Variants in PREX1 observed in about 807,000 individuals in gnomAD.
The protein encoded by PREX1 is phosphatidylinositol-3,4,5-trisphosphate dependent Rac exchange factor 1, also known as phosphatidylinositol 3,4,5-trisphosphate-dependent Rac exchanger 1 protein.
PREX1 carries 41 observed loss-of-function variants against 198.3 expected under a neutral mutation model. The ratio of observed to expected loss-of-function variants is 0.21; its 90% CI spans 0.16 to 0.27. The LOEUF (loss-of-function observed/expected upper bound fraction) is 0.27, where lower values mean the gene tolerates loss of function less well. PREX1 is among the 10% of genes least tolerant of loss of function. The pLI, the probability that PREX1 is intolerant of heterozygous loss-of-function variation, is 1.00. For missense variants in PREX1, 1,620 were observed against 2,200.7 expected (o/e 0.74, Z 5.28); for synonymous variants, 843 against 887.2 (o/e 0.95, Z 0.89).
chr20:48,763,660 T>C (rs1601121080), intron 1 of PREX1, among the ~76,000 whole-genome samples: 1 of 152,008 alleles, frequency 6.6e-6, no homozygotes, highest in African/African-American at 2.4e-5. Context: ...ATTTGTAGAG[T>C]CAGGAAACAA....
chr20:48,636,382 G>C lies in PREX1; in HGVS notation c.4167+81C>G, dbSNP rs566589970. The C allele has an allele frequency of 2.2e-6, 3 of 1,391,536 alleles. No homozygotes were observed. The African/African-American group carries it at 4.3e-5, about 20-fold the overall frequency. The allele number at this position is 1,391,536 out of a possible 1,614,324, so 86.2% of individuals were successfully genotyped here. ...GAGGCCAGGGGGAGCCTGAGTAAGT[G>C]GGCAAGGGCTCCCTCGACCCGGCCT... On this transcript the variant is annotated intron_variant, in intron 32 of 39. Coordinates refer to ENST00000371941, the MANE Select transcript of PREX1 (RefSeq NM_020820.4).
the PREX1 span, among the ~76,000 whole-genome samples, chr20:48,864,120 T>G: frequency 6.6e-6 from 1 of 152,232 alleles, no homozygotes; most frequent in Non-Finnish European, 1.5e-5. Flanking sequence ...CAATGACACA[T>G]GATCACTGCA....
At chr20:48,656,562 C>G (rs2089545152) in intron 18 of PREX1, 1 of 456,930 alleles carries the variant, frequency 2.2e-6, no homozygotes, top group East Asian at 6.9e-5. Context: ...GCTGCTTCCC[C>G]TGCCTGGAGC....
intron 1 of PREX1, among the ~76,000 whole-genome samples, chr20:48,809,009 T>TA (rs2090423584): frequency 6.6e-6 from 1 of 152,202 alleles, no homozygotes; most frequent in Non-Finnish European, 1.5e-5. Context: ...AGGGAACCTT[T>TA]CTGAGCCTCT....
At chr20:48,812,603 C>T (rs2090441484) in intron 1 of PREX1, among the ~76,000 whole-genome samples, 1 of 151,946 alleles carries the variant, frequency 6.6e-6, no homozygotes, top group Non-Finnish European at 1.5e-5. Flanking sequence ...ATATGGAATG[C>T]TTACTATGTA....
chr20:48,752,700 C>T (rs1460926003), intron 1 of PREX1, among the ~76,000 whole-genome samples: 1 of 152,124 alleles, frequency 6.6e-6, no homozygotes, highest in Non-Finnish European at 1.5e-5. Flanking sequence ...TTCTTGGCTG[C>T]CTTCTCCTCC....
chr20:48,855,805 G>T, the PREX1 span, among the ~76,000 whole-genome samples: 1 of 152,200 alleles, frequency 6.6e-6, no homozygotes, highest in East Asian at 1.9e-4. Flanking sequence ...GGCTGAAGCA[G>T]GAGAATCACT....
chr20:48,654,247 G>C (rs1427650045), intron 19 of PREX1, among the ~76,000 whole-genome samples: 1 of 152,260 alleles, frequency 6.6e-6, no homozygotes, highest in East Asian at 1.9e-4. Context: ...GCTAACACGT[G>C]TGCAGCATTT....
At chr20:48,781,451 G>A (rs2090289441) in intron 1 of PREX1, among the ~76,000 whole-genome samples, 1 of 152,150 alleles carries the variant, frequency 6.6e-6, no homozygotes, top group Non-Finnish European at 1.5e-5. Flanking sequence ...CTACTGGCCA[G>A]ACAATGCACA....
the PREX1 span, among the ~76,000 whole-genome samples, chr20:48,837,752 C>T: frequency 2.0e-5 from 3 of 152,046 alleles, no homozygotes; most frequent in East Asian, 3.9e-4. Context: ...AAATTGTCTG[C>T]ACAACACACC....
chr20:48,754,796 C>G (rs943992355), intron 1 of PREX1, among the ~76,000 whole-genome samples: 1 of 151,814 alleles, frequency 6.6e-6, no homozygotes, highest in Non-Finnish European at 1.5e-5. Context: ...GGCGGGGAGT[C>G]GGAAGCACAG....
rs2089925808 is a variant in PREX1, at chr20:48,710,562, C to T, written c.622-2141G>A. On this transcript the variant is annotated intron_variant, in intron 5 of 39. Coordinates refer to ENST00000371941, the MANE Select transcript of PREX1 (RefSeq NM_020820.4). ...AGGTCAGACCGTTTGTCCAAGGTCA[C>T]ACAGCACATCTGAGCCCACCCAGTC... Among the ~76,000 whole-genome samples, 5 of 152,238 alleles carry T rather than the reference C, an allele frequency of 3.3e-5. No homozygotes were observed. The South Asian group carries it at 8.3e-4, about 25-fold the overall frequency.
intron 1 of PREX1, among the ~76,000 whole-genome samples, chr20:48,769,606 C>G (rs955045931): frequency 1.3e-5 from 2 of 152,208 alleles, no homozygotes; most frequent in Non-Finnish European, 2.9e-5. Flanking sequence ...CACTGGCACC[C>G]TTGAAGGTGC....
intron 1 of PREX1, among the ~76,000 whole-genome samples, chr20:48,796,662 G>A (rs992875651): frequency 6.6e-6 from 1 of 150,476 alleles, no homozygotes; most frequent in Non-Finnish European, 1.5e-5. Flanking sequence ...TAAATATCCA[G>A]TTATATGTGT....
intron 5 of PREX1, among the ~76,000 whole-genome samples, chr20:48,722,818 C>A (rs569721692): frequency 1.6e-4 from 24 of 152,246 alleles, no homozygotes; most frequent in Non-Finnish European, 3.1e-4. Context: ...CAGGGCCCAG[C>A]CCAAGTCTGG....
At chr20:48,664,407 G>A (rs1253669967) in intron 15 of PREX1, among the ~76,000 whole-genome samples, 1 of 151,844 alleles carries the variant, frequency 6.6e-6, no homozygotes, top group East Asian at 1.9e-4. Context: ...ATCCGAGCTA[G>A]GAGCAGAGTG....
chr20:48,746,941 AAC>A lies in PREX1; in HGVS notation c.291+866_291+867del, dbSNP rs57506374. Among the ~76,000 whole-genome samples, 731 of 117,634 alleles carry A rather than the reference AAC, an allele frequency of 6.2e-3. 2 individuals carry two copies. Among genetic ancestry groups the A allele is most frequent in the East Asian group, 0.015 (53 of 3,534 alleles). The allele number at this position is 117,634 out of a possible 152,430, so 77.2% of individuals were successfully genotyped here. On this transcript the variant is annotated intron_variant, in intron 2 of 39. Transcript: ENST00000371941. ...CATAGAGTTTAGATCCCAGTGCATG[AAC>A]ACACACACACACACACACACACACA...
intron 10 of PREX1, among the ~76,000 whole-genome samples, chr20:48,683,991 C>T (rs2089769733): frequency 6.6e-6 from 1 of 151,922 alleles, no homozygotes; most frequent in South Asian, 2.1e-4. Context: ...GTCCAAGCTC[C>T]CAGAAAGACA....
At chr20:48,733,804 A>T (rs1292917213) in intron 4 of PREX1, among the ~76,000 whole-genome samples, 3 of 151,960 alleles carry the variant, frequency 2.0e-5, no homozygotes, top group Non-Finnish European at 4.4e-5. Flanking sequence ...AGGTTGGAGT[A>T]CAGTGGTACC....
Sources: allele counts gnomAD v4.1 joint callset (sites outside exome capture counted in the v4.1 genomes callset), GRCh38; gene constraint gnomAD v4.1.1; transcripts MANE v1.5; gene names NCBI Gene and HGNC (gene_info 2026-07-23, HGNC 2026-07-21).